TMEM74: variants seen among roughly 807,000 people sequenced by gnomAD.
TMEM74 encodes transmembrane protein 74.
Under a neutral mutation model 18.1 loss-of-function variants are expected in TMEM74, and 13 were observed. The observed-to-expected ratio is 0.72, with a 90% CI of 0.47 to 1.14. The LOEUF (loss-of-function observed/expected upper bound fraction) is 1.14. Among genes scored for constraint, TMEM74 ranks in the 50% most tolerant of loss-of-function variants. The pLI, the probability that TMEM74 is intolerant of heterozygous loss-of-function variation, is 0.00. For synonymous variants in TMEM74, 159 were observed against 146.6 expected, an observed-to-expected ratio of 1.08 and a Z score of -0.61; for missense variants, 372 against 375.9, an observed-to-expected ratio of 0.99 and a Z score of 0.09.
downstream of TMEM74, among the ~76,000 whole-genome samples, chr8:108,774,378 T>C (rs142295594): frequency 1.3e-5 from 2 of 152,254 alleles, no homozygotes; most frequent in East Asian, 3.9e-4. Context: ...ACCAGAGTAA[T>C]CTTGGAAGAT....
intron 1 of TMEM74, among the ~76,000 whole-genome samples, chr8:108,694,744 A>G (rs549880581): frequency 1.3e-5 from 2 of 152,352 alleles, no homozygotes; most frequent in East Asian, 1.9e-4. Flanking sequence ...GAGATTTATT[A>G]TAAGGATTTG....
chr8:108,654,959 A>G (rs1192981163), intron 2 of TMEM74, among the ~76,000 whole-genome samples: 1 of 152,192 alleles, frequency 6.6e-6, no homozygotes, highest in Non-Finnish European at 1.5e-5. Flanking sequence ...AGCATTATGT[A>G]GAAATACATC....
At chr8:108,676,394 G>A (rs1243743494) in intron 1 of TMEM74, among the ~76,000 whole-genome samples, 1 of 151,988 alleles carries the variant, frequency 6.6e-6, no homozygotes. Flanking sequence ...CTGATGCACT[G>A]GCCTCCTTTC....
chr8:108,613,436 T>C (rs1224426486), intron 2 of TMEM74, among the ~76,000 whole-genome samples: 1 of 152,206 alleles, frequency 6.6e-6, no homozygotes, highest in Non-Finnish European at 1.5e-5. Flanking sequence ...CAGGAATCAA[T>C]TAATGGGAGA....
intron 1 of TMEM74, among the ~76,000 whole-genome samples, chr8:108,732,573 A>G (rs1467206519): frequency 6.6e-6 from 1 of 152,106 alleles, no homozygotes; most frequent in East Asian, 1.9e-4. Flanking sequence ...CTAGAAATAG[A>G]CTCACATATA....
At chr8:108,609,383 C>G (rs567599420) in intron 2 of TMEM74, among the ~76,000 whole-genome samples, 1 of 152,186 alleles carries the variant, frequency 6.6e-6, no homozygotes, top group Admixed American at 6.5e-5. Flanking sequence ...TGTGGTGGCT[C>G]ACACCTGTAA....
At chr8:108,650,088 A>C (rs551548582) in intron 2 of TMEM74, among the ~76,000 whole-genome samples, 1 of 152,184 alleles carries the variant, frequency 6.6e-6, no homozygotes, top group Non-Finnish European at 1.5e-5. Flanking sequence ...CCACACTCAT[A>C]CTTCTTATTA....
Position 108,780,350 on chromosome 8 carries a change from A to C in TMEM74, c.*3831T>G, listed in dbSNP as rs1814289170. On this transcript the variant is annotated 3_prime_UTR_variant, in exon 2 of 2. Transcript: ENST00000297459. ...ATACACCTATCATTGCACACGTGAA[A>C]GATGAAGACCAAAATGTTCACATGC... Among the ~76,000 whole-genome samples, 1 of 152,208 alleles carries C rather than the reference A, an allele frequency of 6.6e-6. No individual in the cohort carries two copies. The highest frequency in any genetic ancestry group is 2.1e-4 in the South Asian group (1 of 4,836).
intron 1 of TMEM74, among the ~76,000 whole-genome samples, chr8:108,709,507 T>C (rs182885855): frequency 3.9e-5 from 6 of 152,212 alleles, no homozygotes; most frequent in African/African-American, 1.4e-4. Flanking sequence ...AATACAGTAG[T>C]GGTTGCCAGG....
intron 2 of TMEM74, among the ~76,000 whole-genome samples, chr8:108,635,635 A>G (rs1812599600): frequency 1.3e-5 from 2 of 152,058 alleles, no homozygotes; most frequent in African/African-American, 2.4e-5. Flanking sequence ...CTCCTCACTT[A>G]GAAGGTTTGC....
intron 1 of TMEM74, among the ~76,000 whole-genome samples, chr8:108,655,921 G>A (rs1371761973): frequency 6.6e-6 from 1 of 152,108 alleles, no homozygotes; most frequent in Admixed American, 6.6e-5. Context: ...TGAGCATCCA[G>A]GATTTTGGAA....
intron 1 of TMEM74, among the ~76,000 whole-genome samples, chr8:108,745,962 C>G (rs1217283426): frequency 6.6e-6 from 1 of 152,092 alleles, no homozygotes; most frequent in Non-Finnish European, 1.5e-5. Context: ...TGAATCAGGA[C>G]CCTCTCACAC....
intron 1 of TMEM74, among the ~76,000 whole-genome samples, chr8:108,657,257 A>C (rs1229720487): frequency 6.6e-6 from 1 of 152,002 alleles, no homozygotes; most frequent in Non-Finnish European, 1.5e-5. Context: ...CTCAATAACT[A>C]CCATGGTGTT....
intron 1 of TMEM74, among the ~76,000 whole-genome samples, chr8:108,750,006 A>T (rs1813888649): frequency 6.6e-6 from 1 of 151,966 alleles, no homozygotes; most frequent in Non-Finnish European, 1.5e-5. Context: ...ACCTCACAGG[A>T]CTCTGATCCT....
intron 1 of TMEM74, among the ~76,000 whole-genome samples, chr8:108,708,298 G>T (rs1813438059): frequency 6.7e-6 from 1 of 148,850 alleles, no homozygotes. Context: ...GGGCATTTAG[G>T]TTGATTCCAT....
At chr8:108,738,902 T>G (rs529342896) in intron 1 of TMEM74, among the ~76,000 whole-genome samples, 1 of 152,300 alleles carries the variant, frequency 6.6e-6, no homozygotes, top group African/African-American at 2.4e-5. Context: ...ATTTAATTCA[T>G]GACCAAGAAA....
chr8:108,784,199 C>G lies in TMEM74; in HGVS notation c.900G>C (p.Ala300=), dbSNP rs750837121. Reference sequence around the variant, plus strand: ...ACCAGAATTAACTCTGTACAGCAAGCGCATCTTCCTCTACCAAGGACAGTT... The same window carrying G: ...ACCAGAATTAACTCTGTACAGCAAGGGCATCTTCCTCTACCAAGGACAGTT... ...TLELSLVEED[A]LAVQS The change falls in exon 2 of 2, where the codon GCG becomes GCC. Residue 300 remains alanine (A), a synonymous_variant. Transcript: ENST00000297459. The G allele has an allele frequency of 4.3e-6, 7 of 1,609,394 alleles. No individual in the cohort carries two copies. Among genetic ancestry groups the G allele is most frequent in the Non-Finnish European group, 8.5e-7 (1 of 1,176,990 alleles).
intron 1 of TMEM74, among the ~76,000 whole-genome samples, chr8:108,733,091 T>C (rs867349332): frequency 7.2e-5 from 11 of 152,256 alleles, no homozygotes; most frequent in Middle Eastern, 3.4e-3. Context: ...GAAAATAGTA[T>C]GGCAGTTTCC....
At chr8:108,640,365 C>T (rs181116227) in intron 2 of TMEM74, among the ~76,000 whole-genome samples, 5 of 152,016 alleles carry the variant, frequency 3.3e-5, no homozygotes, top group South Asian at 2.1e-4. Context: ...CTGCCTGCCT[C>T]GGCCTCCCAA....
Sources: gnomAD v4.1 joint callset for allele counts (sites outside exome capture counted in the v4.1 genomes callset) on GRCh38, gnomAD v4.1.1 for gene constraint, MANE v1.5 for transcripts, NCBI Gene and HGNC (gene_info 2026-07-23, HGNC 2026-07-21) for gene names.